The following HPS4 variants were observed in gnomAD, a reference collection of about 807,000 sequenced individuals.
HPS4 encodes BLOC-3 complex member HPS4.
A neutral mutation model predicts 70.3 loss-of-function variants in HPS4; 44 were observed. The observed-to-expected ratio is 0.63, with a 90% confidence interval of 0.49 to 0.80. HPS4 has a LOEUF of 0.80. Among genes scored for constraint, HPS4 ranks in the 30% least tolerant of loss-of-function variants. The probability of loss-of-function intolerance (pLI) is 0.00; values close to 1 mark genes in which losing one functional copy is unlikely to be tolerated. For missense variants in HPS4, 873 were observed against 884.4 expected, an observed-to-expected ratio of 0.99 and a Z score of 0.16; for synonymous variants, 377 against 355.9, an observed-to-expected ratio of 1.06 and a Z score of -0.67.
intron 5 of HPS4, 32 bp from the exon 6 acceptor site, chr22:26,472,450 G>A: frequency 7.6e-7 from 1 of 1,320,676 alleles, no homozygotes; most frequent in Non-Finnish European, 1.1e-6. Context: ...GTCAATATCT[G>A]AGATTTTGAG....
intron 2 of HPS4, among the ~76,000 whole-genome samples, chr22:26,480,286 C>T (rs1249770204): frequency 6.6e-6 from 1 of 152,164 alleles, no homozygotes; most frequent in Admixed American, 6.5e-5. Context: ...ATCCTCCCGC[C>T]TCAGCCTCCC....
rs2091321424 is a variant in HPS4, at chr22:26,481,881, T to C, written c.-119A>G. 4 of 952,938 alleles carry C rather than the reference T, an allele frequency of 4.2e-6. No individual in the cohort carries two copies. In the South Asian group the frequency reaches 5.3e-5, roughly 13 times the overall value. The allele number at this position is 952,938 out of a possible 1,614,324, so 59.0% of individuals were successfully genotyped here. A position where few individuals can be genotyped will look rare whatever the true frequency, so the allele number is the denominator to read the frequency against. On this transcript the variant is annotated 5_prime_UTR_variant, in exon 2 of 14. Transcript: ENST00000398145. ...TCCAGTGAATCTGGACGTGGTAGGT[T>C]TCAGTGTTTTCAGTCACAACTGCCA...
At position 26,468,603 on chromosome 22, in the gene HPS4, G is replaced by A. The variant is rs746492833; in HGVS notation, c.617C>T (p.Pro206Leu). The A allele has an allele frequency of 8.7e-6, 14 of 1,614,082 alleles. No individual in the cohort carries two copies. Among genetic ancestry groups the A allele is most frequent in the South Asian group, 3.3e-5 (3 of 91,082 alleles). The change falls in exon 8 of 14, where the codon CCG (proline) becomes CTG (leucine). Residue 206 changes from proline (P) to leucine (L), a missense_variant. Pro to Leu is a moderately conservative substitution (Grantham distance 98). Coordinates refer to ENST00000398145, the MANE Select transcript of HPS4 (RefSeq NM_022081.6). ...CAGGACCTTGGCGGTGAGGGAGGGC[G>A]GGAGTTGGGTGCTGACAATCCTAGG... ...YKGLIVSTQLPPSLTAKVLLH... is the reference protein window; with the variant it reads ...YKGLIVSTQLLPSLTAKVLLH...
intron 13 of HPS4, among the ~76,000 whole-genome samples, chr22:26,454,296 G>T (rs185703537): frequency 6.6e-6 from 1 of 152,234 alleles, no homozygotes; most frequent in Non-Finnish European, 1.5e-5. Context: ...AGATGGTTAT[G>T]AGCATGGATC....
intron 2 of HPS4, among the ~76,000 whole-genome samples, chr22:26,480,644 C>T (rs2091187880): frequency 6.6e-6 from 1 of 152,102 alleles, no homozygotes; most frequent in African/African-American, 2.4e-5. Flanking sequence ...TGGCTGGGCA[C>T]AGTGGCTCAC....
chr22:26,458,549 C>T lies in HPS4; in HGVS notation c.1742G>A (p.Gly581Glu), dbSNP rs755073092. The T allele has an allele frequency of 6.2e-7, 1 of 1,614,142 alleles. No homozygotes were observed. The highest frequency in any genetic ancestry group is 1.1e-5 in the South Asian group (1 of 91,076). ...CGTCTCTTTCAGGTGGACTTCCAGC[C>T]CATTCAGTGAAGCCAGGCTGCTGTG... ...VYHSSLASLN[G>E]LEVHLKETLP... The change falls in exon 12 of 14, where the codon GGG (glycine) becomes GAG (glutamate). Residue 581 changes from glycine to glutamate, a missense_variant. Transcript: ENST00000398145.
At chr22:26,460,604 C>A (rs1278477438) in intron 11 of HPS4, among the ~76,000 whole-genome samples, 1 of 152,230 alleles carries the variant, frequency 6.6e-6, no homozygotes, top group African/African-American at 2.4e-5. Context: ...TTCTGCCTAA[C>A]TTGCACTCAA....
At chr22:26,478,046 T>A (rs995310890) in intron 3 of HPS4, among the ~76,000 whole-genome samples, 2 of 152,272 alleles carry the variant, frequency 1.3e-5, no homozygotes, top group South Asian at 2.1e-4. Context: ...AAGAGCAGAA[T>A]AAGTAATATC....
downstream of HPS4, among the ~76,000 whole-genome samples, chr22:26,448,391 C>CTT (rs1173320869): frequency 6.6e-6 from 1 of 152,262 alleles, no homozygotes. Context: ...ACCCAGCTGT[C>CTT]TGACACCAAA....
chr22:26,462,142 A>AGG (rs1356959327), intron 11 of HPS4, among the ~76,000 whole-genome samples: 1 of 150,158 alleles, frequency 6.7e-6, no homozygotes, highest in African/African-American at 2.5e-5. Flanking sequence ...AAAAAAAAAA[A>AGG]AAGAAGAAAA....
intron 7 of HPS4, among the ~76,000 whole-genome samples, chr22:26,470,351 C>T (rs1477366907): frequency 6.6e-6 from 1 of 152,218 alleles, no homozygotes; most frequent in Non-Finnish European, 1.5e-5. Flanking sequence ...CTCTGGGCAG[C>T]AGGAGGAGGG....
rs781176374 is a variant in HPS4, at chr22:26,457,980, GAC to G, written c.1847-15_1847-14del. ...TGCGGCAGGTTTGCTTCCAGAAGAGGACACAGAGTTGTGAAGAGCAGACAGTT... is the reference window on the plus strand; with the variant it reads ...TGCGGCAGGTTTGCTTCCAGAAGAGGACAGAGTTGTGAAGAGCAGACAGTT... On this transcript the variant is annotated splice_polypyrimidine_tract_variant and intron_variant, in intron 12 of 13. Transcript: ENST00000398145. The G allele has an allele frequency of 1.9e-6, 3 of 1,602,812 alleles. No individual in the cohort carries two copies. The highest frequency in any genetic ancestry group is 2.2e-5 in the East Asian group (1 of 44,842).
rs943045953 is a variant in HPS4 at position 26,463,848 on chromosome 22, T to C, written c.1713+69A>G. ...ATCTCTTCCCTGGGTGTTGGCACAG[T>C]GCTGTGAGGGAAGCACAGGAGATCG... On this transcript the variant is annotated intron_variant, in intron 11 of 13. Transcript: ENST00000398145. The C allele has an allele frequency of 8.5e-5, 128 of 1,508,230 alleles. No homozygotes were observed. The African/African-American group carries it at 1.3e-3, about 15-fold the overall frequency. The allele number at this position is 1,508,230 out of a possible 1,614,324, so 93.4% of individuals were successfully genotyped here. A position where few individuals can be genotyped will look rare whatever the true frequency, so the allele number is the denominator to read the frequency against.
Position 26,453,281 on chromosome 22 carries a change from G to A in HPS4, c.2079C>T (p.Ser693=), listed in dbSNP as rs138189133. Residue 693 remains serine, a synonymous_variant, in exon 14 of 14, where the codon TCC becomes TCT. Coordinates refer to ENST00000398145, the MANE Select transcript of HPS4 (RefSeq NM_022081.6). ...TCAGCAGCTTCTGCTTTGCTTTGCC[G>A]GAGAGGCTGAAGGCGCCATCCTGAG... ...PNPQDGAFSL[S]GKAKQKLLKH... 2.0e-3 allele frequency: 3,242 copies of A among 1,614,206 alleles called. 79 individuals carry two copies. The South Asian group carries it at 0.033, about 17-fold the overall frequency.
chr22:26,474,018 A>G (rs2090193818), intron 4 of HPS4, among the ~76,000 whole-genome samples: 1 of 152,242 alleles, frequency 6.6e-6, no homozygotes, highest in African/African-American at 2.4e-5. Context: ...AATTCTTCCA[A>G]TTGATGAACA....
chr22:26,476,736 C>T, intron 4 of HPS4: 1 of 468,076 alleles, frequency 2.1e-6, no homozygotes, highest in Non-Finnish European at 3.9e-6. Context: ...AACAGAATTT[C>T]CACAAGTTGG....
intron 8 of HPS4, chr22:26,468,289 A>C (rs1170667632): frequency 9.5e-6 from 5 of 525,176 alleles, no homozygotes; most frequent in Non-Finnish European, 1.7e-5. Flanking sequence ...TCAAATTCTT[A>C]TGGGAAGTCG....
At chr22:26,479,194 C>T (rs2146975923) in intron 3 of HPS4, 71 bp downstream of exon 3, 1 of 1,460,840 alleles carries the variant, frequency 6.8e-7, no homozygotes, top group Non-Finnish European at 9.6e-7. Flanking sequence ...ATGTAAACCC[C>T]ATACTTTTGA....
chr22:26,461,538 T>G (rs956235950), intron 11 of HPS4, among the ~76,000 whole-genome samples: 1 of 152,128 alleles, frequency 6.6e-6, no homozygotes, highest in African/African-American at 2.4e-5. Flanking sequence ...CTGTGGAAGC[T>G]GATCCACCCA....
Sources: allele counts gnomAD v4.1 joint callset (sites outside exome capture counted in the v4.1 genomes callset), GRCh38; gene constraint gnomAD v4.1.1; transcripts MANE v1.5; gene names NCBI Gene and HGNC (gene_info 2026-07-23, HGNC 2026-07-21).